Variants in TNNC2 observed in about 807,000 individuals in gnomAD.
TNNC2 encodes the protein troponin C, skeletal muscle.
In TNNC2, 14 loss-of-function variants were observed where a neutral mutation model predicts 20.0. The ratio of observed to expected loss-of-function variants is 0.70; its 90% confidence interval spans 0.46 to 1.09. The LOEUF (loss-of-function observed/expected upper bound fraction) is 1.09, where lower values mean the gene tolerates loss of function less well. TNNC2 is among the 50% of genes least tolerant of loss of function. TNNC2 has a pLI of 0.00. For synonymous variants in TNNC2, 81 were observed against 77.3 expected, an observed-to-expected ratio of 1.05 and a Z score of -0.25; for missense variants, 163 against 223.8, an observed-to-expected ratio of 0.73 and a Z score of 1.73.
At chr20:45,827,958 C>T (rs1983014742), upstream of TNNC2, among the ~76,000 whole-genome samples, 1 of 152,218 alleles carries the variant, frequency 6.6e-6, no homozygotes, top group Non-Finnish European at 1.5e-5. Flanking sequence ...ACGTGCCACA[C>T]ACTGTGCTAA....
intron 1 of TNNC2, among the ~76,000 whole-genome samples, chr20:45,826,996 A>G (rs1219541208): frequency 1.3e-5 from 2 of 152,170 alleles, no homozygotes; most frequent in African/African-American, 2.4e-5. Context: ...AGGTCTATGA[A>G]TGACACTGCT....
At chr20:45,828,993 G>T (rs116449348), upstream of TNNC2, among the ~76,000 whole-genome samples, 4,612 of 151,926 alleles carry the variant, frequency 0.03, 236 homozygotes, top group African/African-American at 0.11. Flanking sequence ...TTGGGGTTTT[G>T]TTTTTGAGAC....
At position 45,824,223 on chromosome 20, in the gene TNNC2, A is replaced by AGCTTCCAGC. The variant is rs1400105810; in HGVS notation, c.314+60_314+68dup. ...CGCTTCCGCACTCCCAACACGGGGA[A>AGCTTCCAGC]GCTTCCAGCGCTGCCGGCCGGGTTC... is the stretch of plus-strand genomic sequence containing the variant. On this transcript the variant is annotated intron_variant, in intron 4 of 5. Transcript: ENST00000372555. 4.4e-6 allele frequency: 7 copies of AGCTTCCAGC among 1,600,370 alleles called. No homozygotes were observed. In the Admixed American group the frequency reaches 1.2e-4, roughly 27 times the overall value.
upstream of TNNC2, among the ~76,000 whole-genome samples, chr20:45,830,713 A>T (rs963902104): frequency 9.2e-5 from 14 of 152,220 alleles, no homozygotes; most frequent in African/African-American, 3.4e-4. Flanking sequence ...AGTTCAATAT[A>T]AGGGGGAACT....
intron 1 of TNNC2, among the ~76,000 whole-genome samples, chr20:45,826,333 G>A (rs1182307698): frequency 6.6e-6 from 1 of 152,168 alleles, no homozygotes; most frequent in Admixed American, 6.5e-5. Flanking sequence ...TGGCAGAGTC[G>A]GAGGCTGTCA....
chr20:45,832,929 C>A (rs937400479), intron 2 of TNNC2, among the ~76,000 whole-genome samples: 3 of 152,154 alleles, frequency 2.0e-5, no homozygotes, highest in Non-Finnish European at 4.4e-5. Flanking sequence ...ATCACTTGAG[C>A]CCAGGAATTC....
chr20:45,827,187 C>T, intron 1 of TNNC2, 59 bp downstream of exon 1: 1 of 1,612,370 alleles, frequency 6.2e-7, no homozygotes, highest in African/African-American at 1.3e-5. Context: ...CAGGCCTGGC[C>T]TGAAAGGGGT....
chr20:45,828,638 A>G (rs1472259265), upstream of TNNC2, among the ~76,000 whole-genome samples: 1 of 152,012 alleles, frequency 6.6e-6, no homozygotes, highest in African/African-American at 2.4e-5. Flanking sequence ...TGGGGAGTAA[A>G]GGGGTGGGCA....
intron 1 of TNNC2, 62 bp downstream of exon 1, chr20:45,827,184 G>A: frequency 6.2e-7 from 1 of 1,610,258 alleles, no homozygotes; most frequent in Non-Finnish European, 8.5e-7. Flanking sequence ...ACCCAGGCCT[G>A]GCCTGAAAGG....
At position 45,823,995 on chromosome 20, in the gene TNNC2, G is replaced by A; in HGVS notation, c.447C>T (p.Phe149=). The A allele has an allele frequency of 6.2e-7, 1 of 1,614,008 alleles. No individual in the cohort carries two copies. Among genetic ancestry groups the A allele is most frequent in the Non-Finnish European group, 8.5e-7 (1 of 1,179,966 alleles). Residue 149 remains phenylalanine (F), a synonymous_variant, in exon 5 of 6, where the codon TTC becomes TTT. Transcript: ENST00000372555. This position sits in a 1 kb window ranked among gnomAD's most constrained non-coding sequence, Gnocchi z 4.6. ...GDKNNDGRID[F]DEFLKMMEGV... The stretch of plus-strand genomic sequence containing the variant: ...CAAGCTCCCGTTGGCCCTCACCGTC[G>A]AAGTCAATGCGGCCGTCGTTGTTCT...
chr20:45,829,554 C>T (rs1296237964), upstream of TNNC2, among the ~76,000 whole-genome samples: 1 of 151,654 alleles, frequency 6.6e-6, no homozygotes, highest in African/African-American at 2.4e-5. Context: ...CTGAGATGGG[C>T]GGATCACGAG....
chr20:45,826,154 C>T (rs1198573357), intron 1 of TNNC2, among the ~76,000 whole-genome samples: 1 of 152,174 alleles, frequency 6.6e-6, no homozygotes. Context: ...TTTTCTGCAG[C>T]TCCTAATGGT....
intron 4 of TNNC2, 44 bp downstream of exon 4, chr20:45,824,248 C>T (rs1323754970): frequency 3.1e-6 from 5 of 1,605,306 alleles, no homozygotes; most frequent in Non-Finnish European, 2.5e-6. Flanking sequence ...CGGCCGGGTT[C>T]TGACTGCTAA....
upstream of TNNC2, among the ~76,000 whole-genome samples, chr20:45,829,132 C>A (rs1167050418): frequency 1.3e-5 from 2 of 151,110 alleles, no homozygotes; most frequent in African/African-American, 4.9e-5. Flanking sequence ...AGGCACATAC[C>A]ACTACGCCCA....
chr20:45,824,338 C>G lies in TNNC2; in HGVS notation c.268G>C (p.Gly90Arg), dbSNP rs1416997094. ...MVRQMKEDAK[G>R]KSEEELAECF... Reference sequence around the variant, plus strand: ...TCGGCCAGCTCCTCCTCGCTCTTCCCTTTCGCGTCCTCTTTCATCTGGCGC... The same window carrying G: ...TCGGCCAGCTCCTCCTCGCTCTTCCGTTTCGCGTCCTCTTTCATCTGGCGC... The change falls in exon 4 of 6, where the codon GGG becomes CGG. Residue 90 changes from glycine to arginine, a missense_variant. Coordinates refer to ENST00000372555, the MANE Select transcript of TNNC2 (RefSeq NM_003279.3). 6.2e-7 allele frequency: 1 copy of G among 1,611,148 alleles called. No homozygotes were observed. Among genetic ancestry groups the G allele is most frequent in the Admixed American group, 1.7e-5 (1 of 60,016 alleles).
At chr20:45,832,172 T>C (rs1164095523), upstream of TNNC2, among the ~76,000 whole-genome samples, 7 of 152,110 alleles carry the variant, frequency 4.6e-5, no homozygotes, top group Admixed American at 4.6e-4. Flanking sequence ...ATTAGCCGCA[T>C]GGTGGCACAT....
At chr20:45,825,417 G>A (rs1195290373) in intron 1 of TNNC2, among the ~76,000 whole-genome samples, 2 of 152,054 alleles carry the variant, frequency 1.3e-5, no homozygotes, top group African/African-American at 2.4e-5. Context: ...TCAGCCTCTC[G>A]AGTAGCTGGG....
At chr20:45,826,005 A>ACC (rs111300154) in intron 1 of TNNC2, among the ~76,000 whole-genome samples, 5,481 of 143,940 alleles carry the variant, frequency 0.038, 270 homozygotes, top group African/African-American at 0.12. Flanking sequence ...CAAGTCGGGA[A>ACC]CCCCCCCCAC....
upstream of TNNC2, chr20:45,827,420 T>C (rs373018): frequency 0.52 from 382,219 of 742,138 alleles, 101,652 homozygotes; most frequent in East Asian, 0.57. Flanking sequence ...GGTCAGCGAG[T>C]CCCACCCCTC....
Sources: allele counts gnomAD v4.1 joint callset (sites outside exome capture counted in the v4.1 genomes callset), GRCh38; gene constraint gnomAD v4.1.1; non-coding constraint Gnocchi (gnomAD v3.1); transcripts MANE v1.5; gene names NCBI Gene and HGNC (gene_info 2026-07-23, HGNC 2026-07-21).